Variants in MEIKIN observed in about 807,000 individuals in gnomAD.
MEIKIN encodes meiotic kinetochore factor, also known as meiosis-specific kinetochore protein.
chr5:131,880,374 A>T (rs1164813313), intron 8 of MEIKIN, among the ~76,000 whole-genome samples: 2 of 145,542 alleles, frequency 1.4e-5, no homozygotes, highest in East Asian at 4.0e-4. Flanking sequence ...AAGTGTTGGG[A>T]TTACAGGCGT....
At chr5:131,830,040 A>C (rs1235220230) in intron 11 of MEIKIN, among the ~76,000 whole-genome samples, 1 of 152,212 alleles carries the variant, frequency 6.6e-6, no homozygotes, top group Non-Finnish European at 1.5e-5. Context: ...GAAACACACA[A>C]AAAAGTGGTC....
At chr5:131,870,825 TC>T (rs1750476849) in intron 9 of MEIKIN, among the ~76,000 whole-genome samples, 1 of 152,144 alleles carries the variant, frequency 6.6e-6, no homozygotes, top group South Asian at 2.1e-4. Flanking sequence ...TCTTTGTAAC[TC>T]CCTACTAATG....
intron 5 of MEIKIN, among the ~76,000 whole-genome samples, chr5:131,927,255 T>G (rs1001483145): frequency 9.8e-5 from 15 of 152,340 alleles, no homozygotes; most frequent in African/African-American, 3.6e-4. Flanking sequence ...GTATGTTAAA[T>G]TTCCACATAT....
chr5:131,885,172 C>A (rs899101629), intron 8 of MEIKIN, among the ~76,000 whole-genome samples: 2 of 152,044 alleles, frequency 1.3e-5, no homozygotes, highest in African/African-American at 4.8e-5. Flanking sequence ...AGCCTTAGGG[C>A]CTTGAGAAAA....
intron 6 of MEIKIN, among the ~76,000 whole-genome samples, chr5:131,921,311 A>T (rs1210792778): frequency 6.6e-6 from 1 of 152,186 alleles, no homozygotes; most frequent in African/African-American, 2.4e-5. Flanking sequence ...CAGGAGTTTG[A>T]GACCAGCCTG....
rs549407249 is a variant in MEIKIN at position 131,808,229 on chromosome 5, A to G, written c.1100-971T>C. ...CTCAGACACTGCTCGCTCATTAAAG[A>G]CTTTGCAAAATGGTTCACAGTCATC... On this transcript the variant is annotated intron_variant, in intron 12 of 12. Transcript: ENST00000442687. 6.6e-4 allele frequency among the ~76,000 whole-genome samples: 100 copies of G among 152,294 alleles called. 2 individuals carry two copies. In the South Asian group the frequency reaches 0.011, roughly 17 times the overall value.
intron 8 of MEIKIN, among the ~76,000 whole-genome samples, chr5:131,903,870 C>A (rs76004030): frequency 2.0e-5 from 3 of 151,654 alleles, no homozygotes; most frequent in Non-Finnish European, 4.4e-5. Context: ...CAAAACCCAA[C>A]AGTATGCTGT....
At chr5:131,884,055 C>G (rs1236047466) in intron 8 of MEIKIN, among the ~76,000 whole-genome samples, 3 of 149,822 alleles carry the variant, frequency 2.0e-5, no homozygotes, top group Non-Finnish European at 3.0e-5. Context: ...ATAAAATGCT[C>G]TGGGGCCCTA....
intron 11 of MEIKIN, among the ~76,000 whole-genome samples, chr5:131,843,155 C>G (rs774836094): frequency 6.6e-6 from 1 of 152,246 alleles, no homozygotes; most frequent in Non-Finnish European, 1.5e-5. Flanking sequence ...CAAGGCTGCA[C>G]AGAGCAGCAA....
chr5:131,843,331 G>T (rs892772284), intron 11 of MEIKIN, among the ~76,000 whole-genome samples: 4 of 152,236 alleles, frequency 2.6e-5, no homozygotes, highest in African/African-American at 9.6e-5. Context: ...CAGCTGGCTT[G>T]AATTTCTCCC....
chr5:131,865,464 C>T (rs1283453223), intron 9 of MEIKIN, among the ~76,000 whole-genome samples: 1 of 152,232 alleles, frequency 6.6e-6, no homozygotes, highest in African/African-American at 2.4e-5. Flanking sequence ...TGTGTTCCGC[C>T]CACCTGGGCC....
intron 9 of MEIKIN, among the ~76,000 whole-genome samples, chr5:131,862,115 A>T (rs919992175): frequency 2.6e-5 from 4 of 152,102 alleles, no homozygotes; most frequent in African/African-American, 9.7e-5. Flanking sequence ...TTTATTATTG[A>T]TTCAATCTCA....
At chr5:131,829,925 A>T (rs1055867662) in intron 11 of MEIKIN, among the ~76,000 whole-genome samples, 1 of 152,236 alleles carries the variant, frequency 6.6e-6, no homozygotes, top group African/African-American at 2.4e-5. Context: ...AAATGAGATA[A>T]TAGATTTCTG....
chr5:131,874,839 C>T lies in MEIKIN; in HGVS notation c.774+4139G>A, dbSNP rs141668605. Among the ~76,000 whole-genome samples the T allele has an allele frequency of 4.4e-3, 663 of 152,212 alleles. 5 individuals are homozygous for T. Among genetic ancestry groups the T allele is most frequent in the African/African-American group, 0.013 (555 of 41,534 alleles). Reference sequence around the variant, plus strand: ...TCCCTGGGATGCAAGGCTGGTTCAACGTACGAAAATCAATAAATGTAATCC... The same window carrying T: ...TCCCTGGGATGCAAGGCTGGTTCAATGTACGAAAATCAATAAATGTAATCC... On this transcript the variant is annotated intron_variant, in intron 9 of 12. Coordinates refer to ENST00000442687, the MANE Select transcript of MEIKIN (RefSeq NM_001303622.2).
intron 11 of MEIKIN, among the ~76,000 whole-genome samples, chr5:131,842,933 C>T (rs1253299642): frequency 2.0e-5 from 3 of 152,238 alleles, no homozygotes; most frequent in Non-Finnish European, 4.4e-5. Context: ...CAGACTTCTG[C>T]CTGGATGTCC....
intron 9 of MEIKIN, among the ~76,000 whole-genome samples, chr5:131,865,154 G>C (rs1331761604): frequency 6.7e-6 from 1 of 149,264 alleles, no homozygotes; most frequent in Non-Finnish European, 1.5e-5. Context: ...ATTGTTTTTT[G>C]GAATTCTCTT....
At chr5:131,850,624 T>G (rs867331485) in intron 11 of MEIKIN, among the ~76,000 whole-genome samples, 4 of 151,992 alleles carry the variant, frequency 2.6e-5, no homozygotes, top group African/African-American at 9.7e-5. Flanking sequence ...GATATCTACA[T>G]GCAAAAGAAT....
intron 8 of MEIKIN, among the ~76,000 whole-genome samples, chr5:131,902,489 T>C (rs1315422732): frequency 1.1e-5 from 1 of 94,962 alleles, no homozygotes; most frequent in Non-Finnish European, 1.8e-5. Context: ...AGGAAGATGG[T>C]TTCTTGTACA....
intron 5 of MEIKIN, among the ~76,000 whole-genome samples, chr5:131,923,497 CTTT>C (rs563033307): frequency 1.3e-5 from 2 of 149,776 alleles, no homozygotes; most frequent in Admixed American, 6.7e-5. Context: ...AAATTTTAAT[CTTT>C]TTTTTTCTTT....
Sources: gnomAD v4.1 joint callset for allele counts (sites outside exome capture counted in the v4.1 genomes callset) on GRCh38, gnomAD v4.1.1 for gene constraint, MANE v1.5 for transcripts, NCBI Gene and HGNC (gene_info 2026-07-23, HGNC 2026-07-21) for gene names.